The following CHN1 variants were observed in gnomAD, a reference collection of about 807,000 sequenced individuals.
CHN1 encodes the protein N-chimaerin.
CHN1 carries 37 observed loss-of-function variants against 59.5 expected under a neutral mutation model. The ratio of observed to expected loss-of-function variants is 0.62; its 90% confidence interval spans 0.48 to 0.82. The LOEUF (loss-of-function observed/expected upper bound fraction) is 0.82. CHN1 is among the 40% of genes least tolerant of loss of function. CHN1 has a pLI of 0.00. For synonymous variants in CHN1, 206 were observed against 200.4 expected (o/e 1.03, Z -0.24); for missense variants, 469 against 571.0 (o/e 0.82, Z 1.82).
At chr2:174,864,806 A>G (rs956756886) in intron 6 of CHN1, among the ~76,000 whole-genome samples, 1 of 152,184 alleles carries the variant, frequency 6.6e-6, no homozygotes, top group African/African-American at 2.4e-5. Context: ...TTGAGGCTAC[A>G]GTGAGCCAAG....
chr2:174,803,380 C>T (rs1432659922), intron 11 of CHN1, among the ~76,000 whole-genome samples: 2 of 152,168 alleles, frequency 1.3e-5, no homozygotes, highest in African/African-American at 2.4e-5. Context: ...CAGTTCCTGG[C>T]TCATTTCTTT....
At chr2:174,873,706 C>T (rs1687476941) in intron 6 of CHN1, among the ~76,000 whole-genome samples, 1 of 152,156 alleles carries the variant, frequency 6.6e-6, no homozygotes, top group Non-Finnish European at 1.5e-5. Flanking sequence ...CTTAAAATTT[C>T]ACAAGGCTTT....
At chr2:174,829,999 G>A (rs74881469) in intron 7 of CHN1, among the ~76,000 whole-genome samples, 1,782 of 152,158 alleles carry the variant, frequency 0.012, 11 homozygotes, top group Middle Eastern at 0.02. Flanking sequence ...TAATTTGGCC[G>A]GGCGCGGTGG....
intron 11 of CHN1, 139 bp from the exon 12 acceptor site, chr2:174,801,951 G>T: frequency 3.2e-6 from 2 of 634,526 alleles, no homozygotes; most frequent in Non-Finnish European, 2.7e-6. Context: ...CACAGCTTTG[G>T]AAATTATTTT....
At chr2:174,930,715 T>C (rs1689318024) in intron 3 of CHN1, among the ~76,000 whole-genome samples, 1 of 152,048 alleles carries the variant, frequency 6.6e-6, no homozygotes, top group Non-Finnish European at 1.5e-5. Context: ...TCCAACTTAA[T>C]ATTCAAGACG....
intron 1 of CHN1, among the ~76,000 whole-genome samples, chr2:174,980,622 A>C (rs936527393): frequency 6.6e-6 from 1 of 152,198 alleles, no homozygotes; most frequent in African/African-American, 2.4e-5. Flanking sequence ...CAGGTGAGAT[A>C]TGCCTGGTTT....
At chr2:174,865,247 C>G (rs563085465) in intron 6 of CHN1, among the ~76,000 whole-genome samples, 5 of 152,246 alleles carry the variant, frequency 3.3e-5, no homozygotes, top group African/African-American at 1.2e-4. Context: ...CCCATCTGAA[C>G]CATGCTTCAA....
At chr2:174,960,018 T>C (rs1273946813) in intron 1 of CHN1, among the ~76,000 whole-genome samples, 1 of 152,156 alleles carries the variant, frequency 6.6e-6, no homozygotes, top group East Asian at 1.9e-4. Context: ...TGGTTCTTTT[T>C]CTGGCATTTG....
intron 1 of CHN1, among the ~76,000 whole-genome samples, chr2:174,959,334 T>G (rs1690323273): frequency 6.6e-6 from 1 of 152,166 alleles, no homozygotes; most frequent in Admixed American, 6.5e-5. Context: ...ATCACTGGTG[T>G]GGATCCTTTT....
At chr2:174,896,507 A>G (rs1401652196) in intron 5 of CHN1, among the ~76,000 whole-genome samples, 2 of 152,210 alleles carry the variant, frequency 1.3e-5, no homozygotes, top group African/African-American at 2.4e-5. Flanking sequence ...AATTGGGTAG[A>G]TAACTATATG....
intron 7 of CHN1, among the ~76,000 whole-genome samples, chr2:174,832,911 T>C (rs541008530): frequency 6.6e-6 from 1 of 152,248 alleles, no homozygotes; most frequent in African/African-American, 2.4e-5. Flanking sequence ...TATTTGTGTA[T>C]CTAAATGTAT....
At chr2:174,883,069 T>G (rs1366466974) in intron 5 of CHN1, among the ~76,000 whole-genome samples, 2 of 152,190 alleles carry the variant, frequency 1.3e-5, no homozygotes, top group Non-Finnish European at 2.9e-5. Flanking sequence ...TCATTTTCAG[T>G]GAAGAAGAAA....
intron 1 of CHN1, among the ~76,000 whole-genome samples, chr2:174,955,252 TAGAC>T (rs1282691150): frequency 2.0e-5 from 3 of 149,486 alleles, no homozygotes; most frequent in Non-Finnish European, 4.4e-5. Flanking sequence ...GATAAATAGA[TAGAC>T]ATATATATAT....
intron 5 of CHN1, among the ~76,000 whole-genome samples, chr2:174,904,189 G>C (rs961086204): frequency 6.6e-6 from 1 of 151,836 alleles, no homozygotes; most frequent in Admixed American, 6.6e-5. Flanking sequence ...CTTGAACCCG[G>C]GAGGTGGAGG....
At chr2:174,838,143 G>T (rs1019060637) in intron 7 of CHN1, among the ~76,000 whole-genome samples, 1 of 151,866 alleles carries the variant, frequency 6.6e-6, no homozygotes, top group African/African-American at 2.4e-5. Context: ...GCCCAGGCTG[G>T]AGTGCAATGG....
chr2:174,915,121 G>A lies in CHN1; in HGVS notation c.197C>T (p.Ala66Val), dbSNP rs781199944. 7.4e-6 allele frequency: 12 copies of A among 1,612,466 alleles called. No individual in the cohort carries two copies. Among genetic ancestry groups the A allele is most frequent in the Non-Finnish European group, 9.3e-6 (11 of 1,179,310 alleles). The change falls in exon 5 of 13, where the codon GCT (alanine) becomes GTT (valine). Residue 66 changes from alanine (A) to valine (V), a missense_variant. This residue lies in a region of CHN1 where 152 missense variants were observed against 166.1 expected (regional missense o/e 0.92). Coordinates refer to ENST00000409900, the MANE Select transcript of CHN1 (RefSeq NM_001822.7). Reference sequence around the variant, plus strand: ...CTCCCGGATGAGGTAGCTCCCCTCAGCCACAATCAAGAGCTGGTCGGCTGC... The same window carrying A: ...CTCCCGGATGAGGTAGCTCCCCTCAACCACAATCAAGAGCTGGTCGGCTGC... The part of the protein sequence containing the change: ...REAADQLLIV[A>V]EGSYLIRESQ...
At chr2:175,001,169 G>C (rs557010937) in intron 1 of CHN1, among the ~76,000 whole-genome samples, 1 of 152,288 alleles carries the variant, frequency 6.6e-6, no homozygotes, top group South Asian at 2.1e-4. Flanking sequence ...CAGCTGAAAA[G>C]AATATATTCT....
At chr2:174,898,438 G>GAAAA (rs34869691) in intron 5 of CHN1, among the ~76,000 whole-genome samples, 1 of 130,796 alleles carries the variant, frequency 7.6e-6, no homozygotes, top group African/African-American at 2.8e-5. Flanking sequence ...CGTCTCTACT[G>GAAAA]AAAAAAAAAA....
chr2:174,951,894 C>A (rs1690034660), intron 2 of CHN1, among the ~76,000 whole-genome samples: 1 of 152,114 alleles, frequency 6.6e-6, no homozygotes, highest in East Asian at 1.9e-4. Flanking sequence ...GCTTCATTAG[C>A]CACTCTGAAC....
Sources: gnomAD v4.1 joint callset for allele counts (sites outside exome capture counted in the v4.1 genomes callset) on GRCh38, gnomAD v4.1.1 for gene constraint, gnomAD v4.1.1 regional missense constraint, MANE v1.5 for transcripts, NCBI Gene and HGNC (gene_info 2026-07-23, HGNC 2026-07-21) for gene names.